Variants in DERL2 observed in about 807,000 individuals in gnomAD.
The protein encoded by DERL2 is derlin 2.
In DERL2, 13 loss-of-function variants were observed where a neutral mutation model predicts 32.0. That is an observed-to-expected ratio of 0.41 (90% CI 0.26 to 0.65). The LOEUF (loss-of-function observed/expected upper bound fraction) is 0.65. DERL2 is among the 30% of genes least tolerant of loss of function. DERL2 has a pLI of 0.35. For synonymous variants in DERL2, 111 were observed against 104.7 expected (o/e 1.06, Z -0.37); for missense variants, 208 against 296.3 (o/e 0.70, Z 2.19).
At chr17:5,482,699 A>C in intron 3 of DERL2, 110 bp downstream of exon 3, 3 of 658,070 alleles carry the variant, frequency 4.6e-6, no homozygotes, top group Non-Finnish European at 8.0e-6. Context: ...CTGACCCAGA[A>C]ATCATAGCTA....
chr17:5,476,760 G>A (rs1210250413), intron 6 of DERL2, among the ~76,000 whole-genome samples: 4 of 152,192 alleles, frequency 2.6e-5, no homozygotes, highest in Non-Finnish European at 5.9e-5. Context: ...AAGCCTGGGT[G>A]ACAGAGCAAG....
At chr17:5,485,130 C>T in intron 2 of DERL2, 21 bp downstream of exon 2, 1 of 1,507,984 alleles carries the variant, frequency 6.6e-7, no homozygotes, top group Non-Finnish European at 9.1e-7. Context: ...GCATTAATCA[C>T]TATTGTGATG....
Position 5,474,606 on chromosome 17 carries a change from T to C in DERL2, c.*78A>G. ...CCAAGCTGTCAAAAGTGTCCACACT[T>C]TTGCAACAAAGGATAAAAGATCCCA... On this transcript the variant is annotated 3_prime_UTR_variant, in exon 7 of 7. Coordinates refer to ENST00000158771, the MANE Select transcript of DERL2 (RefSeq NM_016041.5). This position sits in a 1 kb window ranked among gnomAD's most constrained non-coding sequence, Gnocchi z 4.3. 1 of 1,165,240 alleles carries C rather than the reference T, an allele frequency of 8.6e-7. No individual in the cohort carries two copies. 72.2% of individuals were successfully genotyped at this position (1,165,240 alleles called of 1,614,324 possible). A position where few individuals can be genotyped will look rare whatever the true frequency, so the allele number is the denominator to read the frequency against.
Position 5,486,093 on chromosome 17 carries a change from G to C in DERL2, c.69C>G (p.Ala23=), listed in dbSNP as rs150163105. ...CCACGGCGGCGGTGGTGAGGACGCA[G>C]GCAGTGGTGTAGGCGCGGCTGACCG... ...IPPVSRAYTT[A]CVLTTAAVQL... is the part of the protein sequence containing the mutation. Residue 23 remains alanine (A), a synonymous_variant, in exon 1 of 7, where the codon GCC becomes GCG. Coordinates refer to ENST00000158771, the MANE Select transcript of DERL2 (RefSeq NM_016041.5). 6.2e-7 allele frequency: 1 copy of C among 1,611,894 alleles called. No homozygotes were observed. Among genetic ancestry groups the C allele is most frequent in the African/African-American group, 1.3e-5 (1 of 74,962 alleles).
chr17:5,484,683 C>A (rs377536075), intron 2 of DERL2, among the ~76,000 whole-genome samples: 2 of 152,222 alleles, frequency 1.3e-5, no homozygotes, highest in African/African-American at 4.8e-5. Flanking sequence ...AAAGCACTAA[C>A]AGAATTGAGT....
At chr17:5,483,238 A>T (rs1019093491) in intron 2 of DERL2, among the ~76,000 whole-genome samples, 1 of 152,152 alleles carries the variant, frequency 6.6e-6, no homozygotes, top group Non-Finnish European at 1.5e-5. Flanking sequence ...AATAGAACTG[A>T]CATATCAGAG....
Position 5,473,327 on chromosome 17 carries a change from C to G in DERL2, c.*1357G>C, listed in dbSNP as rs1006680709. 3 of 152,162 alleles carry G rather than the reference C, an allele frequency of 2.0e-5. No homozygotes were observed. Among genetic ancestry groups the G allele is most frequent in the African/African-American group, 7.2e-5 (3 of 41,440 alleles). 9.4% of individuals were successfully genotyped at this position (152,162 alleles called of 1,614,324 possible). A position where few individuals can be genotyped will look rare whatever the true frequency, so the allele number is the denominator to read the frequency against. On this transcript the variant is annotated 3_prime_UTR_variant, in exon 7 of 7. Coordinates refer to ENST00000158771, the MANE Select transcript of DERL2 (RefSeq NM_016041.5). ...GTGTGAATGCAAACCTGCTGAGACT[C>G]AGGGAAGACTTAATATTTAGGGGAA...
In DERL2 at chr17:5,471,896, A is replaced by G. The variant is rs1374154086; in HGVS notation, c.*2788T>C. The G allele has an allele frequency of 1.3e-5, 2 of 152,186 alleles. No individual in the cohort carries two copies. The highest frequency in any genetic ancestry group is 4.1e-4 in the South Asian group (2 of 4,832). The allele number at this position is 152,186 out of a possible 1,614,324, so 9.4% of individuals were successfully genotyped here. ...ATTACTCAACATGGCAATAGCTCCAATGCTTCCTTATTTTCAGAGGCCCCA... is the reference window on the plus strand; with the variant it reads ...ATTACTCAACATGGCAATAGCTCCAGTGCTTCCTTATTTTCAGAGGCCCCA... On this transcript the variant is annotated 3_prime_UTR_variant, in exon 7 of 7. Coordinates refer to ENST00000158771, the MANE Select transcript of DERL2 (RefSeq NM_016041.5).
chr17:5,484,383 A>AT (rs2151709595), intron 2 of DERL2, among the ~76,000 whole-genome samples: 1 of 152,324 alleles, frequency 6.6e-6, no homozygotes, highest in East Asian at 1.9e-4. Flanking sequence ...AGTAGCTAGG[A>AT]TTACAGGCAT....
rs1378109198 is a variant in DERL2, at chr17:5,473,483, T to A, written c.*1201A>T. 6.6e-6 allele frequency: 1 copy of A among 152,142 alleles called. No individual in the cohort carries two copies. The highest frequency in any genetic ancestry group is 2.4e-5 in the African/African-American group (1 of 41,408). The allele number at this position is 152,142 out of a possible 1,614,324, so 9.4% of individuals were successfully genotyped here. On this transcript the variant is annotated 3_prime_UTR_variant, in exon 7 of 7. Coordinates refer to ENST00000158771, the MANE Select transcript of DERL2 (RefSeq NM_016041.5). ...ATTTTCACGAAGCAAATGACTAATG[T>A]TAACTAGCCAAAGACCCTGGAAGAA...
intron 2 of DERL2, among the ~76,000 whole-genome samples, chr17:5,483,380 T>C (rs1339219805): frequency 6.6e-6 from 1 of 150,394 alleles, no homozygotes; most frequent in Non-Finnish European, 1.5e-5. Context: ...AGGTTCTCAC[T>C]ATGTTGTCCA....
chr17:5,476,695 C>G (rs186268993), intron 6 of DERL2, among the ~76,000 whole-genome samples: 1 of 152,184 alleles, frequency 6.6e-6, no homozygotes, highest in Non-Finnish European at 1.5e-5. Flanking sequence ...GCAGGAGAAT[C>G]GCTTGAACCC....
At chr17:5,486,625 T>A (rs1906342543), upstream of DERL2, 1 of 154,770 alleles carries the variant, frequency 6.5e-6, no homozygotes, top group Admixed American at 6.5e-5. Context: ...CAGCGGCGGT[T>A]TAAAGGAGGT....
chr17:5,476,318 T>A (rs1306727362), intron 6 of DERL2, among the ~76,000 whole-genome samples: 5 of 152,240 alleles, frequency 3.3e-5, no homozygotes, highest in African/African-American at 1.2e-4. Flanking sequence ...AGTCAGAAAA[T>A]AGTATAATTC....
Position 5,473,321 on chromosome 17 carries a change from G to A in DERL2, c.*1363C>T, listed in dbSNP as rs1347536355. On this transcript the variant is annotated 3_prime_UTR_variant, in exon 7 of 7. Coordinates refer to ENST00000158771, the MANE Select transcript of DERL2 (RefSeq NM_016041.5). ...TAAGCAGTGTGAATGCAAACCTGCT[G>A]AGACTCAGGGAAGACTTAATATTTA... 1 of 152,168 alleles carries A rather than the reference G, an allele frequency of 6.6e-6. No individual in the cohort carries two copies. Among genetic ancestry groups the A allele is most frequent in the African/African-American group, 2.4e-5 (1 of 41,444 alleles). The allele number at this position is 152,168 out of a possible 1,614,324, so 9.4% of individuals were successfully genotyped here.
At chr17:5,478,457 T>C (rs890532290) in intron 6 of DERL2, among the ~76,000 whole-genome samples, 3 of 152,232 alleles carry the variant, frequency 2.0e-5, no homozygotes, top group African/African-American at 7.2e-5. Context: ...CCTACAACTA[T>C]TCAACTAGGA....
Position 5,474,642 on chromosome 17 carries a change from C to T in DERL2, c.*42G>A. 1 of 1,485,948 alleles carries T rather than the reference C, an allele frequency of 6.7e-7. No individual in the cohort carries two copies. Among genetic ancestry groups the T allele is most frequent in the South Asian group, 1.2e-5 (1 of 85,452 alleles). The allele number at this position is 1,485,948 out of a possible 1,614,324, so 92.0% of individuals were successfully genotyped here. On this transcript the variant is annotated 3_prime_UTR_variant, in exon 7 of 7. Transcript: ENST00000158771. The surrounding 1 kb of genome is among the most constrained non-coding windows in gnomAD (Gnocchi z 4.3). ...GGATAAAAGATCCCAGTGGGTATCA[C>T]CGAGTCCTTCCCAGCTGGGTCTCAT...
In DERL2 at chr17:5,472,121, T is replaced by A. The variant is rs1011653057; in HGVS notation, c.*2563A>T. The A allele has an allele frequency of 1.3e-5, 2 of 152,258 alleles. No individual in the cohort carries two copies. The highest frequency in any genetic ancestry group is 6.5e-5 in the Admixed American group (1 of 15,292). 9.4% of individuals were successfully genotyped at this position (152,258 alleles called of 1,614,324 possible). ...GTATCTCCTAAGGAGATGCAATTTG[T>A]ATGTCCATTTATTTTTAAATGAACG... On this transcript the variant is annotated 3_prime_UTR_variant, in exon 7 of 7. Coordinates refer to ENST00000158771, the MANE Select transcript of DERL2 (RefSeq NM_016041.5).
In DERL2 at chr17:5,482,901, G is replaced by C; in HGVS notation, c.160-19C>G. 7.6e-7 allele frequency: 1 copy of C among 1,319,600 alleles called. No individual in the cohort carries two copies. The highest frequency in any genetic ancestry group is 2.3e-5 in the East Asian group (1 of 42,972). 81.7% of individuals were successfully genotyped at this position (1,319,600 alleles called of 1,614,324 possible). A position where few individuals can be genotyped will look rare whatever the true frequency, so the allele number is the denominator to read the frequency against. On this transcript the variant is annotated intron_variant, in intron 2 of 6. Coordinates refer to ENST00000158771, the MANE Select transcript of DERL2 (RefSeq NM_016041.5). ...TCCATATCTGTTAAAAAAAAATCAA[G>C]AGAAAGATGTATTAAGTAAAATAAA...
Sources: gnomAD v4.1 joint callset for allele counts (sites outside exome capture counted in the v4.1 genomes callset) on GRCh38, gnomAD v4.1.1 for gene constraint, Gnocchi (gnomAD v3.1) non-coding constraint, MANE v1.5 for transcripts, NCBI Gene and HGNC (gene_info 2026-07-23, HGNC 2026-07-21) for gene names.